Variants in DNA2 observed in about 807,000 individuals in gnomAD.
The protein encoded by DNA2 is DNA replication helicase/nuclease 2, also known as DNA replication ATP-dependent helicase/nuclease DNA2.
Under a neutral mutation model 119.1 loss-of-function variants are expected in DNA2, and 101 were observed. The ratio of observed to expected loss-of-function variants is 0.85; its 90% confidence interval spans 0.72 to 1.00. DNA2 has a LOEUF of 1.00. DNA2 is among the 50% of genes least tolerant of loss of function. DNA2 has a pLI of 0.00. For synonymous variants in DNA2, 366 were observed against 424.4 expected (o/e 0.86, Z 1.69); for missense variants, 1,121 against 1,255.5 (o/e 0.89, Z 1.62).
chr10:68,418,975 C>A lies in DNA2; in HGVS notation c.2967+59G>T, dbSNP rs1486201927. On this transcript the variant is annotated intron_variant, in intron 19 of 20. Transcript: ENST00000358410. ...GGTGTGAGCCACCGCGCCCGGCCCA[C>A]AATTTTTAAAGAGAGAGAAATGCCC... 4 of 1,504,012 alleles carry A rather than the reference C, an allele frequency of 2.7e-6. No individual in the cohort carries two copies. The East Asian group carries it at 7.3e-5, about 27-fold the overall frequency. The allele number at this position is 1,504,012 out of a possible 1,614,324, so 93.2% of individuals were successfully genotyped here.
At chr10:68,453,358 C>A (rs1241281073) in intron 5 of DNA2, among the ~76,000 whole-genome samples, 2 of 152,106 alleles carry the variant, frequency 1.3e-5, no homozygotes, top group East Asian at 3.8e-4. Flanking sequence ...GTCTACAAAC[C>A]ATGAGAATTT....
chr10:68,468,156 A>T lies in DNA2; in HGVS notation c.408T>A (p.Cys136Ter). The change falls in exon 3 of 21, where the codon TGT (cysteine) becomes TGA (stop). Residue 136 changes from cysteine to a stop codon, truncating the protein, a stop_gained. Transcript: ENST00000358410. LOFTEE classifies it high-confidence loss of function. ...TTTCACTCAGGACAGCTCTTCTCAT[A>T]CATCGAATACTACTGGCTATGCTGG... ...SGTSIASSIRCMRRAVLSETF... is the reference protein window; with the variant it reads ...SGTSIASSIR 6.2e-7 allele frequency: 1 copy of T among 1,606,040 alleles called. No homozygotes were observed.
intron 9 of DNA2, among the ~76,000 whole-genome samples, chr10:68,437,992 C>CT (rs1387171349): frequency 6.6e-6 from 1 of 152,054 alleles, no homozygotes; most frequent in Non-Finnish European, 1.5e-5. Context: ...GATTACAGGC[C>CT]TGAGGCACCA....
chr10:68,459,689 G>A (rs977260522), intron 4 of DNA2, among the ~76,000 whole-genome samples: 1 of 152,154 alleles, frequency 6.6e-6, no homozygotes, highest in African/African-American at 2.4e-5. Flanking sequence ...GGTGATGGCT[G>A]TACAACAAGG....
At chr10:68,442,282 G>A (rs889655279) in intron 9 of DNA2, among the ~76,000 whole-genome samples, 3 of 151,462 alleles carry the variant, frequency 2.0e-5, no homozygotes, top group African/African-American at 4.9e-5. Context: ...GCAGTGGTGC[G>A]ATGTTGGCTT....
rs538970967 is a variant in DNA2, at chr10:68,422,901, G to A, written c.2209-11C>T. 1.0e-4 allele frequency: 156 copies of A among 1,531,734 alleles called. 1 individual carries two copies. The South Asian group carries it at 1.8e-3, about 18-fold the overall frequency. The allele number at this position is 1,531,734 out of a possible 1,614,324, so 94.9% of individuals were successfully genotyped here. Reference sequence around the variant, plus strand: ...TGTTGCAACTATAAGCTAAAAACAAGGAAAACAGATCAGTTATTTAACATG... The same window carrying A: ...TGTTGCAACTATAAGCTAAAAACAAAGAAAACAGATCAGTTATTTAACATG... On this transcript the variant is annotated splice_polypyrimidine_tract_variant and intron_variant, in intron 14 of 20. Coordinates refer to ENST00000358410, the MANE Select transcript of DNA2 (RefSeq NM_001080449.3).
chr10:68,451,731 A>G (rs2052120870), intron 5 of DNA2, among the ~76,000 whole-genome samples: 2 of 150,520 alleles, frequency 1.3e-5, no homozygotes, highest in African/African-American at 4.9e-5. Flanking sequence ...GTCAACCCCT[A>G]TTTCTTTTTT....
chr10:68,472,310 C>A (rs534385951), upstream of DNA2, among the ~76,000 whole-genome samples: 3 of 152,310 alleles, frequency 2.0e-5, no homozygotes, highest in African/African-American at 7.2e-5. Context: ...TTGCCCAAAA[C>A]CAGGCGCCCC....
chr10:68,455,113 T>C (rs185338019), intron 5 of DNA2, among the ~76,000 whole-genome samples: 15 of 151,944 alleles, frequency 9.9e-5, no homozygotes, highest in African/African-American at 3.4e-4. Context: ...CCAATTTTTA[T>C]ATTTTTAGTA....
intron 11 of DNA2, 25 bp from the exon 12 acceptor site, chr10:68,432,340 G>A: frequency 6.4e-7 from 1 of 1,564,476 alleles, no homozygotes; most frequent in Non-Finnish European, 8.7e-7. Context: ...AGCACTTTTA[G>A]TAATATTCCT....
Position 68,459,089 on chromosome 10 carries a change from A to C in DNA2, c.719+15T>G, listed in dbSNP as rs1204315645. ...AATATGAAGACTATATATATAAACA[A>C]AATGTGTTTCTTACAGAGAGAGCTG... is the stretch of plus-strand genomic sequence containing the variant. On this transcript the variant is annotated intron_variant, in intron 5 of 20. Transcript: ENST00000358410. 4.4e-6 allele frequency: 7 copies of C among 1,575,894 alleles called. No homozygotes were observed. Among genetic ancestry groups the C allele is most frequent in the Non-Finnish European group, 6.0e-6 (7 of 1,162,486 alleles).
chr10:68,472,067 C>A (rs2052390341), upstream of DNA2: 4 of 1,589,178 alleles, frequency 2.5e-6, no homozygotes, highest in African/African-American at 1.3e-5. Context: ...AGCAGCAGGG[C>A]TCTGTCCCCT....
At chr10:68,425,495 C>T (rs2051728281) in intron 14 of DNA2, among the ~76,000 whole-genome samples, 1 of 149,600 alleles carries the variant, frequency 6.7e-6, no homozygotes, top group Admixed American at 6.6e-5. Flanking sequence ...TCCGCCTCCC[C>T]GGTTCACGCC....
At chr10:68,453,551 G>C (rs529751285) in intron 5 of DNA2, among the ~76,000 whole-genome samples, 35 of 152,218 alleles carry the variant, frequency 2.3e-4, no homozygotes, top group Admixed American at 2.3e-3. Flanking sequence ...CAATGATTTC[G>C]TCAACCTAGG....
chr10:68,459,743 C>CA (rs1476366027), intron 4 of DNA2, among the ~76,000 whole-genome samples: 1 of 152,112 alleles, frequency 6.6e-6, no homozygotes, highest in Non-Finnish European at 1.5e-5. Flanking sequence ...AAATGGCTAA[C>CA]ATGGGCAGAG....
chr10:68,466,850 A>T (rs941219109), intron 3 of DNA2, among the ~76,000 whole-genome samples: 28 of 152,110 alleles, frequency 1.8e-4, no homozygotes, highest in Non-Finnish European at 4.4e-5. Context: ...AAGTGCTGGG[A>T]TTACAGGCGT....
chr10:68,472,278 T>G (rs551712751), upstream of DNA2, among the ~76,000 whole-genome samples: 2 of 152,274 alleles, frequency 1.3e-5, no homozygotes, highest in African/African-American at 2.4e-5. Flanking sequence ...CACGCTTAGT[T>G]TGAACACAAC....
At chr10:68,429,271 G>T (rs893627450) in intron 14 of DNA2, among the ~76,000 whole-genome samples, 1 of 150,436 alleles carries the variant, frequency 6.6e-6, no homozygotes, top group Admixed American at 6.7e-5. Context: ...AAAGCCGGGC[G>T]CAGTAGTTCA....
intron 14 of DNA2, among the ~76,000 whole-genome samples, chr10:68,423,829 G>GACCA (rs2051698332): frequency 6.6e-6 from 1 of 152,218 alleles, no homozygotes; most frequent in Non-Finnish European, 1.5e-5. Context: ...GTCAAAGAAG[G>GACCA]CTGAGTGGGG....
Sources: gnomAD v4.1 joint callset for allele counts (sites outside exome capture counted in the v4.1 genomes callset) on GRCh38, gnomAD v4.1.1 for gene constraint, MANE v1.5 for transcripts, NCBI Gene and HGNC (gene_info 2026-07-23, HGNC 2026-07-21) for gene names.